ACADS: variants seen among roughly 807,000 people sequenced by gnomAD.
ACADS encodes the protein short-chain specific acyl-CoA dehydrogenase, mitochondrial.
A neutral mutation model predicts 46.8 loss-of-function variants in ACADS; 28 were observed. The observed-to-expected ratio is 0.60, with a 90% confidence interval of 0.44 to 0.82. ACADS has a LOEUF of 0.82. ACADS is among the 40% of genes least tolerant of loss of function. The pLI, the probability that ACADS is intolerant of heterozygous loss-of-function variation, is 0.00. For synonymous variants in ACADS, 236 were observed against 237.7 expected (o/e 0.99, Z 0.07); for missense variants, 528 against 578.0 (o/e 0.91, Z 0.89).
intron 2 of ACADS, among the ~76,000 whole-genome samples, chr12:120,731,333 T>G (rs1324883568): frequency 6.6e-6 from 1 of 152,038 alleles, no homozygotes; most frequent in African/African-American, 2.4e-5. Flanking sequence ...CCAGGCTGGA[T>G]TTGAACGCCT....
chr12:120,737,070 G>A lies in ACADS; in HGVS notation c.295G>A (p.Ala99Thr), dbSNP rs1278196195. Reference sequence around the variant, plus strand: ...TGCTGGCCTCGATTACCTGGCCTACGCCATCGCCATGGAGGAGATCAGCCG... The same window carrying A: ...TGCTGGCCTCGATTACCTGGCCTACACCATCGCCATGGAGGAGATCAGCCG... Reference protein sequence around the residue: ...GGAGLDYLAYAIAMEEISRGC... With the variant: ...GGAGLDYLAYTIAMEEISRGC... The change falls in exon 3 of 10, where the codon GCC (alanine) becomes ACC (threonine). Residue 99 changes from alanine (A) to threonine (T), a missense_variant. By Grantham distance (58) the Ala-to-Thr change is moderately conservative. Coordinates refer to ENST00000242592, the MANE Select transcript of ACADS (RefSeq NM_000017.4). The A allele has an allele frequency of 1.9e-6, 3 of 1,603,268 alleles. No individual in the cohort carries two copies. The highest frequency in any genetic ancestry group is 2.7e-5 in the African/African-American group (2 of 74,812).
intron 5 of ACADS, 131 bp from the exon 6 acceptor site, chr12:120,738,149 A>G (rs1238889296): frequency 6.4e-7 from 1 of 1,570,424 alleles, no homozygotes; most frequent in African/African-American, 1.4e-5. Context: ...CCTTCCCCAG[A>G]AGCCGGCAGA....
intron 2 of ACADS, among the ~76,000 whole-genome samples, 183 bp from the exon 3 acceptor site, chr12:120,736,803 C>T (rs1426572981): frequency 1.3e-5 from 2 of 152,054 alleles, no homozygotes; most frequent in Non-Finnish European, 2.9e-5. Context: ...GAAGTGCCAT[C>T]ATATAGACCT....
intron 2 of ACADS, among the ~76,000 whole-genome samples, chr12:120,731,509 T>C (rs983645402): frequency 3.3e-5 from 5 of 151,088 alleles, no homozygotes; most frequent in Admixed American, 6.6e-5. Context: ...GGCTGGAGTA[T>C]AGTGGCACGA....
At chr12:120,736,568 C>A (rs959944674) in intron 2 of ACADS, among the ~76,000 whole-genome samples, 1 of 152,134 alleles carries the variant, frequency 6.6e-6, no homozygotes, top group Admixed American at 6.5e-5. Context: ...GGGGCAATAA[C>A]CAGCTGAGGG....
chr12:120,732,048 C>T (rs914363122), intron 2 of ACADS, among the ~76,000 whole-genome samples: 1 of 152,280 alleles, frequency 6.6e-6, no homozygotes, highest in African/African-American at 2.4e-5. Context: ...TCTACACAGA[C>T]ACAGCAACCA....
Position 120,738,596 on chromosome 12 carries a change from C to G in ACADS, c.859C>G (p.Leu287Val), listed in dbSNP as rs1373305585. 6.2e-7 allele frequency: 1 copy of G among 1,613,194 alleles called. No homozygotes were observed. The highest frequency in any genetic ancestry group is 1.1e-5 in the South Asian group (1 of 91,090). ...GGCCCTGGGCATTGCCCAGACCGCCCTCGATTGTGCTGTGAACTACGCTGA... is the reference window on the plus strand; with the variant it reads ...GGCCCTGGGCATTGCCCAGACCGCCGTCGATTGTGCTGTGAACTACGCTGA... ...SQALGIAQTA[L>V]DCAVNYAENR... Residue 287 changes from leucine (L) to valine (V), a missense_variant, in exon 7 of 10, where the codon CTC (leucine) becomes GTC (valine). By Grantham distance (32) the Leu-to-Val change is conservative. Transcript: ENST00000242592.
intron 2 of ACADS, among the ~76,000 whole-genome samples, chr12:120,735,302 A>G (rs1303395386): frequency 1.6e-5 from 2 of 123,138 alleles, no homozygotes; most frequent in Non-Finnish European, 3.0e-5. Flanking sequence ...AAAAAGAAAC[A>G]AACAAAGTGC....
At chr12:120,731,629 A>ATTTTT (rs1156290251) in intron 2 of ACADS, among the ~76,000 whole-genome samples, 2 of 149,502 alleles carry the variant, frequency 1.3e-5, no homozygotes, top group African/African-American at 4.9e-5. Context: ...TAATTCTTGT[A>ATTTTT]TTTATTTTAT....
Position 120,737,337 on chromosome 12 carries a change from C to G in ACADS, c.361-19C>G, listed in dbSNP as rs764806191. ...CGCCTGGGCCTGGGGCCTCCGACCG[C>G]TCCCCGCTGTCCTCCTAGTCTCTCT... On this transcript the variant is annotated intron_variant, in intron 3 of 9. Transcript: ENST00000242592. 1 of 1,611,358 alleles carries G rather than the reference C, an allele frequency of 6.2e-7. No individual in the cohort carries two copies. The highest frequency in any genetic ancestry group is 1.7e-5 in the Admixed American group (1 of 59,944).
At position 120,739,506 on chromosome 12, in the gene ACADS, C is replaced by T. The variant is rs992102695; in HGVS notation, c.*58C>T. Reference sequence around the variant, plus strand: ...GGCGCGGGAGCCAGGGGCCTCCACCCCAACCCCGGCTCAGAGACTGGGCGG... The same window carrying T: ...GGCGCGGGAGCCAGGGGCCTCCACCTCAACCCCGGCTCAGAGACTGGGCGG... On this transcript the variant is annotated 3_prime_UTR_variant, in exon 10 of 10. Transcript: ENST00000242592. The T allele has an allele frequency of 2.5e-6, 4 of 1,578,306 alleles. No homozygotes were observed. The highest frequency in any genetic ancestry group is 3.4e-6 in the Non-Finnish European group (4 of 1,168,114).
chr12:120,733,239 G>A (rs1194230815), intron 2 of ACADS, among the ~76,000 whole-genome samples: 1 of 131,872 alleles, frequency 7.6e-6, no homozygotes, highest in African/African-American at 3.0e-5. Context: ...AGACCGGGGG[G>A]AGAGGGAGAG....
Position 120,739,394 on chromosome 12 carries a change from C to T in ACADS, c.1185C>T (p.Ser395=), listed in dbSNP as rs759774887. The T allele has an allele frequency of 1.1e-4, 170 of 1,612,610 alleles. 2 individuals are homozygous for T. The highest frequency in any genetic ancestry group is 3.3e-5 in the Admixed American group (2 of 59,984). Residue 395 remains serine (S), a synonymous_variant, in exon 10 of 10, where the codon AGC becomes AGT. Coordinates refer to ENST00000242592, the MANE Select transcript of ACADS (RefSeq NM_000017.4). Reference sequence around the variant, plus strand: ...TCACTGAGATCTACGAGGGCACCAGCGAAATCCAGCGGCTGGTGATCGCCG... The same window carrying T: ...TCACTGAGATCTACGAGGGCACCAGTGAAATCCAGCGGCTGGTGATCGCCG... ...ARITEIYEGT[S]EIQRLVIAGH...
chr12:120,736,991 G>C lies in ACADS; in HGVS notation c.216G>C (p.Lys72Asn), dbSNP rs1378242579. 3.7e-6 allele frequency: 6 copies of C among 1,607,668 alleles called. No individual in the cohort carries two copies. Among genetic ancestry groups the C allele is most frequent in the Non-Finnish European group, 5.1e-6 (6 of 1,177,678 alleles). The change falls in exon 3 of 10, where the codon AAG (lysine) becomes AAC (asparagine). Residue 72 changes from lysine (K) to asparagine (N), a missense_variant. Lys to Asn is a moderately conservative substitution (Grantham distance 94). Coordinates refer to ENST00000242592, the MANE Select transcript of ACADS (RefSeq NM_000017.4). ...KEHLFPAAQVKKMGGLGLLAM... is the reference protein window; with the variant it reads ...KEHLFPAAQVNKMGGLGLLAM... ...CCGTCCTTCCCTGTGCCCAGGTGAA[G>C]AAGATGGGCGGGCTTGGGCTTCTGG...
Position 120,739,686 on chromosome 12 carries a change from T to A in ACADS, c.*238T>A. ...CTCAAGTTCCTCATCTAAGTGGCCCTGGCCTCCTGGGGGCGGGGTTGTGGG... is the reference window on the plus strand; with the variant it reads ...CTCAAGTTCCTCATCTAAGTGGCCCAGGCCTCCTGGGGGCGGGGTTGTGGG... On this transcript the variant is annotated 3_prime_UTR_variant, in exon 10 of 10. Coordinates refer to ENST00000242592, the MANE Select transcript of ACADS (RefSeq NM_000017.4). The A allele has an allele frequency of 1.8e-6, 1 of 570,518 alleles. No individual in the cohort carries two copies. The highest frequency in any genetic ancestry group is 3.1e-6 in the Non-Finnish European group (1 of 321,424). The allele number at this position is 570,518 out of a possible 1,614,324, so 35.3% of individuals were successfully genotyped here.
At chr12:120,729,712 A>C (rs1203629151) in intron 2 of ACADS, among the ~76,000 whole-genome samples, 1 of 151,756 alleles carries the variant, frequency 6.6e-6, no homozygotes, top group African/African-American at 2.4e-5. Flanking sequence ...CTTTTTTTCT[A>C]GAATGTTCCT....
chr12:120,728,473 G>GTT lies in ACADS; in HGVS notation c.210+1294_210+1295dup, dbSNP rs36103003. The stretch of plus-strand genomic sequence containing the variant: ...CCTCTCCGGCCTCTTCTCCTTGCCT[G>GTT]TTTTTTTTTTTAATTTTAATTTTAA... On this transcript the variant is annotated intron_variant, in intron 2 of 9. Transcript: ENST00000242592. The surrounding 1 kb of genome is among the most constrained non-coding windows in gnomAD (Gnocchi z 4.0). 1.3e-3 allele frequency among the ~76,000 whole-genome samples: 188 copies of GTT among 144,496 alleles called. No homozygotes were observed. The highest frequency in any genetic ancestry group is 2.8e-3 in the Admixed American group (40 of 14,432). The allele number at this position is 144,496 out of a possible 152,430, so 94.8% of individuals were successfully genotyped here.
chr12:120,731,879 C>T (rs1592935852), intron 2 of ACADS, among the ~76,000 whole-genome samples: 2 of 152,142 alleles, frequency 1.3e-5, no homozygotes, highest in African/African-American at 2.4e-5. Flanking sequence ...TTTAACAAAG[C>T]ACATCTTGCA....
intron 8 of ACADS, 47 bp from the exon 9 acceptor site, chr12:120,739,093 G>A (rs1883564742): frequency 6.2e-7 from 1 of 1,611,660 alleles, no homozygotes; most frequent in African/African-American, 1.3e-5. Flanking sequence ...AGCAGGGGAT[G>A]GAGGGGTCCC....
Sources: gnomAD v4.1 joint callset for allele counts (sites outside exome capture counted in the v4.1 genomes callset) on GRCh38, gnomAD v4.1.1 for gene constraint, Gnocchi (gnomAD v3.1) non-coding constraint, MANE v1.5 for transcripts, NCBI Gene and HGNC (gene_info 2026-07-23, HGNC 2026-07-21) for gene names.